The following PPEF2 variants were observed in gnomAD, a reference collection of about 807,000 sequenced individuals.
The protein encoded by PPEF2 is protein phosphatase with EF-hand domain 2, also known as serine/threonine-protein phosphatase with EF-hands 2.
PPEF2 carries 84 observed loss-of-function variants against 84.7 expected under a neutral mutation model. The observed-to-expected ratio is 0.99, with a 90% CI of 0.83 to 1.19. The LOEUF (loss-of-function observed/expected upper bound fraction) is 1.19, where lower values mean the gene tolerates loss of function less well. PPEF2 is among the 50% of genes most tolerant of loss of function. The pLI, the probability that PPEF2 is intolerant of heterozygous loss-of-function variation, is 0.00. For missense variants in PPEF2, 924 were observed against 937.5 expected (o/e 0.99, Z 0.19); for synonymous variants, 346 against 345.2 (o/e 1.00, Z -0.03).
intron 2 of PPEF2, 62 bp downstream of exon 2, chr4:75,896,209 C>T: frequency 6.4e-7 from 1 of 1,558,576 alleles, no homozygotes; most frequent in Non-Finnish European, 8.9e-7. Context: ...ACCCCCAACC[C>T]TCTCCATGCA....
intron 2 of PPEF2, among the ~76,000 whole-genome samples, chr4:75,893,105 GA>G (rs1724928314): frequency 1.3e-5 from 2 of 152,160 alleles, no homozygotes; most frequent in African/African-American, 2.4e-5. Flanking sequence ...GATTTCCTAT[GA>G]AAAAAATTCA....
intron 7 of PPEF2, 41 bp from the exon 8 acceptor site, chr4:75,884,801 A>C: frequency 2.0e-6 from 3 of 1,479,864 alleles, no homozygotes; most frequent in Non-Finnish European, 2.7e-6. Context: ...AATGGGAGGA[A>C]GGAAATAGGA....
At chr4:75,887,551 G>T (rs1387685977) in intron 6 of PPEF2, among the ~76,000 whole-genome samples, 2 of 151,636 alleles carry the variant, frequency 1.3e-5, no homozygotes. Context: ...AACCCGGGAG[G>T]CGGAGCTTGC....
At chr4:75,874,419 T>G (rs1201023164) in intron 11 of PPEF2, among the ~76,000 whole-genome samples, 2 of 151,444 alleles carry the variant, frequency 1.3e-5, no homozygotes, top group African/African-American at 4.8e-5. Flanking sequence ...CCTCAGTCTC[T>G]CGAGTAGCTG....
intron 16 of PPEF2, among the ~76,000 whole-genome samples, chr4:75,864,048 T>A (rs1724071079): frequency 6.6e-6 from 1 of 151,820 alleles, no homozygotes; most frequent in African/African-American, 2.4e-5. Context: ...AATTTTTGTG[T>A]TTTTAGTAGA....
intron 2 of PPEF2, among the ~76,000 whole-genome samples, chr4:75,894,854 G>A (rs1437270311): frequency 2.6e-5 from 4 of 152,226 alleles, no homozygotes; most frequent in Admixed American, 6.5e-5. Context: ...GGTTGAATTC[G>A]TGTTATTCAC....
chr4:75,876,644 T>C lies in PPEF2; in HGVS notation c.963A>G (p.Arg321=), dbSNP rs775096532. The change falls in exon 11 of 17, where the codon AGA becomes AGG. Residue 321 remains arginine (R), a synonymous_variant. Coordinates refer to ENST00000286719, the MANE Select transcript of PPEF2 (RefSeq NM_006239.3). ...KIVSTMRCKT[R]QKSEKQMEEK... Reference sequence around the variant, plus strand: ...CCTCCATCTGCTTCTCACTCTTCTGTCTCGTTTTGCACCTCATGGTGGAAA... The same window carrying C: ...CCTCCATCTGCTTCTCACTCTTCTGCCTCGTTTTGCACCTCATGGTGGAAA... The C allele has an allele frequency of 6.4e-7, 1 of 1,570,924 alleles. No individual in the cohort carries two copies. Among genetic ancestry groups the C allele is most frequent in the Admixed American group, 1.9e-5 (1 of 52,248 alleles).
chr4:75,887,867 G>A (rs1724770484), intron 6 of PPEF2, among the ~76,000 whole-genome samples: 3 of 152,172 alleles, frequency 2.0e-5, no homozygotes. Context: ...TAATTTGCTA[G>A]TCATCGGGGC....
chr4:75,879,168 A>C (rs1010215126), intron 10 of PPEF2, among the ~76,000 whole-genome samples: 84 of 152,302 alleles, frequency 5.5e-4, no homozygotes, highest in African/African-American at 1.9e-3. Context: ...TGTAACTGGC[A>C]CTGCTAGGGT....
chr4:75,874,565 C>T (rs548589913), intron 11 of PPEF2, among the ~76,000 whole-genome samples: 11 of 152,276 alleles, frequency 7.2e-5, no homozygotes, highest in Non-Finnish European at 1.5e-4. Context: ...TCCCAAAGTG[C>T]TGGGATTACA....
intron 11 of PPEF2, among the ~76,000 whole-genome samples, chr4:75,875,813 T>TGGGGTGGC (rs929065798): frequency 5.9e-5 from 9 of 152,070 alleles, no homozygotes; most frequent in African/African-American, 1.9e-4. Flanking sequence ...ACTGCGGGTT[T>TGGGGTGGC]GGGGTGGCAG....
At chr4:75,899,515 TTTCTC>T (rs1330353317) in intron 1 of PPEF2, among the ~76,000 whole-genome samples, 1 of 152,176 alleles carries the variant, frequency 6.6e-6, no homozygotes, top group African/African-American at 2.4e-5. Context: ...CTTTTACTCT[TTTCTC>T]TACCTCATTT....
In PPEF2 at chr4:75,860,834, C is replaced by T. The variant is rs759468079; in HGVS notation, c.2095G>A (p.Asp699Asn). 1 of 1,614,234 alleles carries T rather than the reference C, an allele frequency of 6.2e-7. No homozygotes were observed. The highest frequency in any genetic ancestry group is 1.1e-5 in the South Asian group (1 of 91,078). ...NIDITDDCICDLARSIDFNKD... is the reference protein window; with the variant it reads ...NIDITDDCICNLARSIDFNKD... ...TTGAAATCAATGCTCCGAGCAAGGT[C>T]ACAGATGCAGTCATCTGTAATGTCG... Residue 699 changes from aspartate to asparagine, a missense_variant, in exon 17 of 17, where the codon GAC becomes AAC. Coordinates refer to ENST00000286719, the MANE Select transcript of PPEF2 (RefSeq NM_006239.3).
chr4:75,871,782 C>A (rs1560481143), intron 13 of PPEF2, among the ~76,000 whole-genome samples: 1 of 152,112 alleles, frequency 6.6e-6, no homozygotes, highest in South Asian at 2.1e-4. Flanking sequence ...AGAATAATTT[C>A]TGCAGAAAAC....
intron 1 of PPEF2, among the ~76,000 whole-genome samples, chr4:75,896,829 T>A (rs1052269041): frequency 6.6e-6 from 1 of 151,878 alleles, no homozygotes; most frequent in Non-Finnish European, 1.5e-5. Flanking sequence ...TTTCAGTCCT[T>A]ACCTTGCCAG....
chr4:75,899,430 A>T (rs1017107621), intron 1 of PPEF2, among the ~76,000 whole-genome samples: 1 of 152,192 alleles, frequency 6.6e-6, no homozygotes, highest in Non-Finnish European at 1.5e-5. Flanking sequence ...TACAACAAAG[A>T]TGACACTTTC....
In PPEF2 at chr4:75,876,501, G is replaced by A; in HGVS notation, c.1106C>T (p.Thr369Ile). The part of the protein sequence containing the change: ...LRLGSYKAQK[T>I]SRSSSIPCSG... The stretch of plus-strand genomic sequence containing the variant: ...GCAGGGGATGCTGGAGGACCTGCTG[G>A]TTTTCTGGGCCTTGTAGGAGCCAAG... The change falls in exon 11 of 17, where the codon ACC becomes ATC. Residue 369 changes from threonine to isoleucine, a missense_variant. By Grantham distance (89) the Thr-to-Ile change is moderately conservative. Transcript: ENST00000286719. 4 of 1,614,068 alleles carry A rather than the reference G, an allele frequency of 2.5e-6. No individual in the cohort carries two copies. The South Asian group carries it at 3.3e-5, about 13-fold the overall frequency.
chr4:75,864,629 A>C, intron 15 of PPEF2, 102 bp from the exon 16 acceptor site: 1 of 941,748 alleles, frequency 1.1e-6, no homozygotes, highest in Admixed American at 2.0e-5. Flanking sequence ...TTCTTGAAAA[A>C]ACCTGAAAAT....
intron 2 of PPEF2, among the ~76,000 whole-genome samples, chr4:75,894,186 A>AT (rs1306514205): frequency 6.6e-6 from 1 of 152,076 alleles, no homozygotes. Flanking sequence ...AGAACAGAGA[A>AT]TTTTTTTGAT....
Sources: allele counts gnomAD v4.1 joint callset (sites outside exome capture counted in the v4.1 genomes callset), GRCh38; gene constraint gnomAD v4.1.1; transcripts MANE v1.5; gene names NCBI Gene and HGNC (gene_info 2026-07-23, HGNC 2026-07-21).